The following ASTN2 variants were observed in gnomAD, a reference collection of about 807,000 sequenced individuals.
The protein encoded by ASTN2 is astrotactin-2.
ASTN2 carries 54 observed loss-of-function variants against 139.8 expected under a neutral mutation model. That is an observed-to-expected ratio of 0.39 (90% CI 0.31 to 0.48). The LOEUF (loss-of-function observed/expected upper bound fraction) is 0.48. Ranked by LOEUF, ASTN2 falls within the 20% of genes least tolerant of loss-of-function variation. The pLI is 0.95. For synonymous variants in ASTN2, 756 were observed against 719.5 expected, an observed-to-expected ratio of 1.05 and a Z score of -0.81; for missense variants, 1,565 against 1,725.1, an observed-to-expected ratio of 0.91 and a Z score of 1.64.
intron 1 of ASTN2, among the ~76,000 whole-genome samples, chr9:117,389,617 G>A (rs995313441): frequency 6.6e-6 from 1 of 152,122 alleles, no homozygotes; most frequent in African/African-American, 2.4e-5. Flanking sequence ...CACTATGGAG[G>A]CAGGAAGAAG....
chr9:116,676,656 C>T (rs937730121), intron 16 of ASTN2, among the ~76,000 whole-genome samples: 14 of 152,148 alleles, frequency 9.2e-5, no homozygotes, highest in African/African-American at 3.4e-4. Context: ...CAGTTAAAAG[C>T]CTTGCAAGCT....
intron 1 of ASTN2, among the ~76,000 whole-genome samples, chr9:117,387,737 TTCTGGAGAGAAA>T (rs1377174465): frequency 6.6e-6 from 1 of 152,176 alleles, no homozygotes; most frequent in African/African-American, 2.4e-5. Context: ...TCCTCTTTGT[TTCTGGAGAGAAA>T]TGCGGAGTCC....
intron 19 of ASTN2, among the ~76,000 whole-genome samples, chr9:116,572,299 G>C (rs1271079649): frequency 1.3e-5 from 2 of 152,088 alleles, no homozygotes; most frequent in Non-Finnish European, 2.9e-5. Context: ...CCTTCCCCAG[G>C]GCCTGCCTGG....
At chr9:117,279,595 T>G (rs1373388784) in intron 2 of ASTN2, among the ~76,000 whole-genome samples, 2 of 152,234 alleles carry the variant, frequency 1.3e-5, no homozygotes, top group Non-Finnish European at 2.9e-5. Context: ...TGTCCCAAAG[T>G]CAACATTCTT....
chr9:116,716,009 G>T (rs970826215), intron 16 of ASTN2, among the ~76,000 whole-genome samples: 1 of 152,078 alleles, frequency 6.6e-6, no homozygotes, highest in Non-Finnish European at 1.5e-5. Flanking sequence ...CTCATTAAGG[G>T]GCTGAAGGCA....
chr9:117,380,047 G>A (rs938432612), intron 1 of ASTN2, among the ~76,000 whole-genome samples: 1 of 152,092 alleles, frequency 6.6e-6, no homozygotes, highest in Non-Finnish European at 1.5e-5. Flanking sequence ...TTTAGAGAAC[G>A]AGAAACAACA....
chr9:117,201,965 T>A (rs1831737308), intron 3 of ASTN2, among the ~76,000 whole-genome samples: 1 of 152,210 alleles, frequency 6.6e-6, no homozygotes, highest in African/African-American at 2.4e-5. Flanking sequence ...TATTATTGTG[T>A]GGGAGTCTAA....
chr9:117,203,561 C>A (rs79149721), intron 3 of ASTN2, among the ~76,000 whole-genome samples: 1 of 151,978 alleles, frequency 6.6e-6, no homozygotes, highest in Non-Finnish European at 1.5e-5. Flanking sequence ...GTGGATGATG[C>A]TGTTGTTGCT....
intron 20 of ASTN2, among the ~76,000 whole-genome samples, chr9:116,449,177 A>G (rs1021472662): frequency 6.6e-6 from 1 of 152,132 alleles, no homozygotes; most frequent in Non-Finnish European, 1.5e-5. Flanking sequence ...AGACCGAGGC[A>G]GGTGGATTGC....
intron 5 of ASTN2, among the ~76,000 whole-genome samples, chr9:117,070,833 G>A (rs1353392461): frequency 1.3e-5 from 2 of 151,320 alleles, no homozygotes; most frequent in Admixed American, 1.3e-4. Flanking sequence ...TCTTCACGTA[G>A]CTCTCGAGCC....
At chr9:116,469,773 C>G (rs1369251448) in intron 20 of ASTN2, among the ~76,000 whole-genome samples, 4 of 152,108 alleles carry the variant, frequency 2.6e-5, no homozygotes, top group African/African-American at 9.7e-5. Flanking sequence ...ACACTATACC[C>G]CATAAACTGT....
At chr9:117,121,905 C>A (rs1829568195) in intron 4 of ASTN2, among the ~76,000 whole-genome samples, 1 of 152,172 alleles carries the variant, frequency 6.6e-6, no homozygotes, top group Non-Finnish European at 1.5e-5. Flanking sequence ...TGATAACTCA[C>A]TCACCATCTT....
At chr9:116,977,169 G>A (rs1305783645) in intron 7 of ASTN2, among the ~76,000 whole-genome samples, 2 of 152,192 alleles carry the variant, frequency 1.3e-5, no homozygotes, top group South Asian at 2.1e-4. Context: ...TACTCTAGAG[G>A]TATAATCAGA....
At chr9:117,046,092 C>T (rs1356684948) in intron 5 of ASTN2, among the ~76,000 whole-genome samples, 1 of 151,944 alleles carries the variant, frequency 6.6e-6, no homozygotes, top group African/African-American at 2.4e-5. Flanking sequence ...CCTCTGCCTC[C>T]CAGGTTCAAG....
chr9:117,391,967 T>C (rs960471265), intron 1 of ASTN2, among the ~76,000 whole-genome samples: 1 of 152,184 alleles, frequency 6.6e-6, no homozygotes, highest in Non-Finnish European at 1.5e-5. Flanking sequence ...ATGATCTCCT[T>C]TGACTCCATA....
intron 7 of ASTN2, among the ~76,000 whole-genome samples, chr9:116,982,503 C>G (rs1308919006): frequency 6.6e-6 from 1 of 151,858 alleles, no homozygotes; most frequent in Admixed American, 6.6e-5. Context: ...CAAGATGTGC[C>G]CTTTGCAAAA....
At chr9:117,175,511 A>C (rs1351141190) in intron 3 of ASTN2, among the ~76,000 whole-genome samples, 1 of 152,138 alleles carries the variant, frequency 6.6e-6, no homozygotes, top group Non-Finnish European at 1.5e-5. Context: ...TGAATGAGGG[A>C]GTCCTGCCCT....
At chr9:117,229,491 T>C (rs7042676) in intron 2 of ASTN2, among the ~76,000 whole-genome samples, 70,264 of 152,024 alleles carry the variant, frequency 0.46, 16,610 homozygotes, top group South Asian at 0.62. Context: ...AGCTCCAGCA[T>C]ATTGTATCCT....
rs779854612 is a variant in ASTN2, at chr9:116,699,439, G to A, written c.2806+26332C>T. ...GATGGGCAGCTGGGTCGCCAGATTA[G>A]CCACTTCTTCTCGGAGAATGAGGAT... On this transcript the variant is annotated intron_variant, in intron 16 of 22. Transcript: ENST00000313400. This position sits in a 1 kb window ranked among gnomAD's most constrained non-coding sequence, Gnocchi z 4.2. 1.9e-6 allele frequency: 3 copies of A among 1,614,164 alleles called. No individual in the cohort carries two copies. The South Asian group carries it at 3.3e-5, about 18-fold the overall frequency.
Sources: allele counts gnomAD v4.1 joint callset (sites outside exome capture counted in the v4.1 genomes callset), GRCh38; gene constraint gnomAD v4.1.1; non-coding constraint Gnocchi (gnomAD v3.1); transcripts MANE v1.5; gene names NCBI Gene and HGNC (gene_info 2026-07-23, HGNC 2026-07-21).